FAF1: variants seen among roughly 807,000 people sequenced by gnomAD.
FAF1 encodes Fas associated factor 1.
In FAF1, 25 loss-of-function variants were observed where a neutral mutation model predicts 92.5. That is an observed-to-expected ratio of 0.27 (90% CI 0.20 to 0.38). The LOEUF (loss-of-function observed/expected upper bound fraction) is 0.38, where lower values mean the gene tolerates loss of function less well. Among genes scored for constraint, FAF1 ranks in the 10% least tolerant of loss-of-function variants. The pLI, the probability that FAF1 is intolerant of heterozygous loss-of-function variation, is 1.00. For missense variants in FAF1, 636 were observed against 793.3 expected, an observed-to-expected ratio of 0.80 and a Z score of 2.38; for synonymous variants, 234 against 273.2, an observed-to-expected ratio of 0.86 and a Z score of 1.42.
At chr1:50,863,519 G>A (rs1644453153) in intron 1 of FAF1, among the ~76,000 whole-genome samples, 1 of 151,902 alleles carries the variant, frequency 6.6e-6, no homozygotes, top group Non-Finnish European at 1.5e-5. Context: ...CAATATCAGA[G>A]CAGAACTAAA....
At chr1:50,531,465 CTAT>C (rs1030286906) in intron 15 of FAF1, among the ~76,000 whole-genome samples, 50 of 152,248 alleles carry the variant, frequency 3.3e-4, no homozygotes, top group African/African-American at 1.2e-3. Flanking sequence ...TAGGAAGCAT[CTAT>C]TATTTGGAAT....
chr1:50,763,573 C>T (rs1047643733), intron 4 of FAF1, among the ~76,000 whole-genome samples: 12 of 152,126 alleles, frequency 7.9e-5, no homozygotes, highest in African/African-American at 2.7e-4. Flanking sequence ...GCCTAGAAGT[C>T]GTTCAGACAA....
intron 8 of FAF1, among the ~76,000 whole-genome samples, chr1:50,645,604 C>CCTGA (rs1427789839): frequency 6.6e-6 from 1 of 152,136 alleles, no homozygotes; most frequent in Admixed American, 6.5e-5. Flanking sequence ...GCGGGGAGAA[C>CCTGA]CTGAGGTCAG....
intron 1 of FAF1, among the ~76,000 whole-genome samples, chr1:50,875,918 C>G (rs183087980): frequency 6.6e-6 from 1 of 152,184 alleles, no homozygotes; most frequent in Non-Finnish European, 1.5e-5. Context: ...CTATCACTAC[C>G]ATCCTTTTCC....
At chr1:50,863,177 A>G (rs199786316) in intron 1 of FAF1, among the ~76,000 whole-genome samples, 1 of 152,136 alleles carries the variant, frequency 6.6e-6, no homozygotes. Flanking sequence ...GTCAGACCAC[A>G]GTAGAATAAA....
chr1:50,692,750 T>C (rs1031564340), intron 7 of FAF1, among the ~76,000 whole-genome samples: 2 of 152,232 alleles, frequency 1.3e-5, no homozygotes, highest in Non-Finnish European at 2.9e-5. Context: ...AATACTGGAA[T>C]GCAGGTATCT....
At chr1:50,706,776 T>TCTCAAGTGTAGC (rs1657691306) in intron 6 of FAF1, among the ~76,000 whole-genome samples, 2 of 152,194 alleles carry the variant, frequency 1.3e-5, no homozygotes, top group South Asian at 4.1e-4. Context: ...CTACTGTCTG[T>TCTCAAGTGTAGC]CTCAAGTGTA....
intron 6 of FAF1, among the ~76,000 whole-genome samples, chr1:50,711,587 G>C (rs199978603): frequency 6.7e-6 from 1 of 150,026 alleles, no homozygotes; most frequent in Non-Finnish European, 1.5e-5. Context: ...CTCCTGCCTC[G>C]GCCTCCCGAG....
chr1:50,635,047 T>C (rs942111414), intron 8 of FAF1, among the ~76,000 whole-genome samples: 5 of 152,208 alleles, frequency 3.3e-5, no homozygotes, highest in Admixed American at 6.5e-5. Context: ...CAAATCACTA[T>C]ATACATGTCT....
At chr1:50,706,921 AGGACGGGCAC>A (rs1657696704) in intron 6 of FAF1, among the ~76,000 whole-genome samples, 3 of 152,190 alleles carry the variant, frequency 2.0e-5, no homozygotes, top group Admixed American at 2.0e-4. Context: ...TTAGACAGAT[AGGACGGGCAC>A]GGTGGCTCAC....
intron 6 of FAF1, among the ~76,000 whole-genome samples, chr1:50,724,898 C>T (rs1326551025): frequency 1.3e-5 from 2 of 152,114 alleles, no homozygotes; most frequent in African/African-American, 4.8e-5. Flanking sequence ...CCAAATGTGA[C>T]TAGGTTAGTA....
intron 15 of FAF1, among the ~76,000 whole-genome samples, chr1:50,518,842 GC>G (rs1431815490): frequency 1.1e-4 from 16 of 152,130 alleles, no homozygotes; most frequent in African/African-American, 3.9e-4. Flanking sequence ...CTGAGAAACT[GC>G]CATGAAACTG....
At chr1:50,515,325 G>A (rs560508788) in intron 15 of FAF1, among the ~76,000 whole-genome samples, 6 of 152,240 alleles carry the variant, frequency 3.9e-5, no homozygotes, top group African/African-American at 9.6e-5. Flanking sequence ...TATCTCATAA[G>A]GAACTGAATC....
intron 4 of FAF1, among the ~76,000 whole-genome samples, chr1:50,761,472 T>G (rs1239262269): frequency 6.6e-6 from 1 of 152,022 alleles, no homozygotes; most frequent in Non-Finnish European, 1.5e-5. Context: ...CAGCAGCACA[T>G]CAAAAAGCTT....
intron 7 of FAF1, among the ~76,000 whole-genome samples, chr1:50,698,386 A>C (rs2124410054): frequency 6.6e-6 from 1 of 152,030 alleles, no homozygotes; most frequent in Admixed American, 6.6e-5. Flanking sequence ...AAAAAGAAAA[A>C]CCTCTTCTTC....
intron 4 of FAF1, among the ~76,000 whole-genome samples, chr1:50,785,029 A>T (rs1289862528): frequency 6.7e-6 from 1 of 149,260 alleles, no homozygotes; most frequent in Non-Finnish European, 1.5e-5. Context: ...ACATCATCTC[A>T]TGGTATTGTG....
chr1:50,739,142 A>G lies in FAF1; in HGVS notation c.460-188T>C, dbSNP rs145342630. On this transcript the variant is annotated intron_variant, in intron 5 of 18. Coordinates refer to ENST00000396153, the MANE Select transcript of FAF1 (RefSeq NM_007051.3). ...TATTGCCCATATATATAATATATAC[A>G]TATATAGGGGAAATATGGTTGTATA... is the stretch of plus-strand genomic sequence containing the variant. Among the ~76,000 whole-genome samples, 431 of 152,052 alleles carry G rather than the reference A, an allele frequency of 2.8e-3. 3 individuals carry two copies. Among genetic ancestry groups the G allele is most frequent in the African/African-American group, 9.2e-3 (381 of 41,496 alleles).
At chr1:50,476,888 T>A (rs1646645111) in intron 17 of FAF1, among the ~76,000 whole-genome samples, 1 of 152,120 alleles carries the variant, frequency 6.6e-6, no homozygotes, top group South Asian at 2.1e-4. Context: ...CTAGTCAGCT[T>A]ATAAGCTGGT....
rs1357142207 is a variant in FAF1, at chr1:50,869,230, A to AT, written c.46-11234dup. 7.9e-5 allele frequency among the ~76,000 whole-genome samples: 12 copies of AT among 152,230 alleles called. 1 individual carries two copies. The South Asian group carries it at 2.3e-3, about 29-fold the overall frequency. On this transcript the variant is annotated intron_variant, in intron 1 of 18. Coordinates refer to ENST00000396153, the MANE Select transcript of FAF1 (RefSeq NM_007051.3). ...AGTTTCATAGTATATAATTTTCCAT[A>AT]TTTTTTAACTGTGGCTTTACTTTTA...
Sources: gnomAD v4.1 joint callset for allele counts (sites outside exome capture counted in the v4.1 genomes callset) on GRCh38, gnomAD v4.1.1 for gene constraint, MANE v1.5 for transcripts, NCBI Gene and HGNC (gene_info 2026-07-23, HGNC 2026-07-21) for gene names.